TBC1D2: variants seen among roughly 807,000 people sequenced by gnomAD.
TBC1D2 encodes TBC1 domain family member 2A.
TBC1D2 carries 58 observed loss-of-function variants against 91.1 expected under a neutral mutation model. The observed-to-expected ratio is 0.64, with a 90% confidence interval of 0.52 to 0.79. The LOEUF (loss-of-function observed/expected upper bound fraction) is 0.79, where lower values mean the gene tolerates loss of function less well. TBC1D2 is among the 30% of genes least tolerant of loss of function. The pLI, the probability that TBC1D2 is intolerant of heterozygous loss-of-function variation, is 0.00. For missense variants in TBC1D2, 1,080 were observed against 1,208.3 expected, an observed-to-expected ratio of 0.89 and a Z score of 1.57; for synonymous variants, 482 against 511.5, an observed-to-expected ratio of 0.94 and a Z score of 0.78.
chr9:98,225,659 C>T (rs1829215359), intron 5 of TBC1D2, among the ~76,000 whole-genome samples: 1 of 152,216 alleles, frequency 6.6e-6, no homozygotes, highest in Admixed American at 6.5e-5. Context: ...CTCAGTTTCC[C>T]TTTCAGAGTA....
intron 4 of TBC1D2, among the ~76,000 whole-genome samples, chr9:98,230,091 C>T (rs1256782215): frequency 6.6e-6 from 1 of 152,172 alleles, no homozygotes; most frequent in African/African-American, 2.4e-5. Flanking sequence ...TGCCATCAGC[C>T]TGCATCAAGG....
intron 3 of TBC1D2, among the ~76,000 whole-genome samples, chr9:98,238,130 C>A (rs879200724): frequency 7.4e-6 from 1 of 136,022 alleles, no homozygotes; most frequent in Non-Finnish European, 1.5e-5. Context: ...TCTTGAACTC[C>A]TGACCTCAAG....
In TBC1D2 at chr9:98,221,196, C is replaced by T; in HGVS notation, c.1011G>A (p.Glu337=). The part of the protein sequence containing the change: ...ELVKILHKAL[E]AAQQEKRASS... ...ACGCCCGCTTCTCCTGCTGGGCGGC[C>T]TCCAGTGCCTTGTGCAGGATCTTCA... The change falls in exon 6 of 13, where the codon GAG becomes GAA. Residue 337 remains glutamate (E), a synonymous_variant. Coordinates refer to ENST00000465784, the MANE Select transcript of TBC1D2 (RefSeq NM_001267571.2). 6.4e-7 allele frequency: 1 copy of T among 1,553,104 alleles called. No homozygotes were observed. The highest frequency in any genetic ancestry group is 8.7e-7 in the Non-Finnish European group (1 of 1,147,602).
intron 4 of TBC1D2, among the ~76,000 whole-genome samples, chr9:98,230,005 A>G (rs896339178): frequency 1.2e-4 from 19 of 152,214 alleles, no homozygotes; most frequent in Admixed American, 8.5e-4. Context: ...TTTTATTCTT[A>G]AATCAAACCA....
rs1270053926 is a variant in TBC1D2 at position 98,233,436 on chromosome 9, G to A, written c.761C>T (p.Ala254Val). ...GEPQREEQPLASDASTPGREP... is the reference protein window; with the variant it reads ...GEPQREEQPLVSDASTPGREP... ...CTCACCTGGGGTGCTGGCGTCAGAG[G>A]CCAAGGGCTGCTCCTCCCTCTGAGG... Residue 254 changes from alanine to valine, a missense_variant, in exon 4 of 13, where the codon GCC becomes GTC. By Grantham distance (64) the Ala-to-Val change is moderately conservative (BLOSUM62 0). Transcript: ENST00000465784. The A allele has an allele frequency of 6.2e-7, 1 of 1,613,902 alleles. No individual in the cohort carries two copies. Among genetic ancestry groups the A allele is most frequent in the African/African-American group, 1.3e-5 (1 of 74,906 alleles).
chr9:98,240,919 C>A (rs1829622716), intron 3 of TBC1D2, among the ~76,000 whole-genome samples: 1 of 152,144 alleles, frequency 6.6e-6, no homozygotes, highest in Non-Finnish European at 1.5e-5. Context: ...AGGTTTAATT[C>A]CAGGTCTGCA....
intron 4 of TBC1D2, among the ~76,000 whole-genome samples, chr9:98,232,811 T>C (rs1179004252): frequency 1.3e-5 from 2 of 152,150 alleles, no homozygotes; most frequent in African/African-American, 2.4e-5. Flanking sequence ...TTATCACATG[T>C]GTACATTTGT....
chr9:98,203,298 G>A lies in TBC1D2; in HGVS notation c.2261C>T (p.Thr754Met), dbSNP rs774546155. The stretch of plus-strand genomic sequence containing the variant: ...CCTGGCCCCACTTACCTGGGATGCC[G>A]TCAGCGTGTTGCAGTAGTAATCAGC... ...MPADYYCNTLTASQVDQRVLQ... is the reference protein window; with the variant it reads ...MPADYYCNTLMASQVDQRVLQ... Residue 754 changes from threonine (T) to methionine (M), a missense_variant, in exon 10 of 13, where the codon ACG becomes ATG. Thr to Met is a moderately conservative substitution (Grantham distance 81). Transcript: ENST00000465784. 1.7e-5 allele frequency: 28 copies of A among 1,614,098 alleles called. No homozygotes were observed. Among genetic ancestry groups the A allele is most frequent in the Admixed American group, 6.7e-5 (4 of 60,010 alleles).
intron 5 of TBC1D2, among the ~76,000 whole-genome samples, chr9:98,224,735 C>A (rs1225346759): frequency 6.6e-6 from 1 of 152,174 alleles, no homozygotes; most frequent in Non-Finnish European, 1.5e-5. Context: ...TTGCTACTTT[C>A]ATCAGTGGTG....
At chr9:98,220,756 G>C (rs1184052564) in intron 6 of TBC1D2, 77 bp downstream of exon 6, 1 of 1,557,612 alleles carries the variant, frequency 6.4e-7, no homozygotes, top group Non-Finnish European at 8.7e-7. Flanking sequence ...AAACCCTTAG[G>C]GGTGGAGAGC....
intron 3 of TBC1D2, 51 bp downstream of exon 3, chr9:98,243,943 T>C (rs530036554): frequency 1.3e-6 from 2 of 1,571,946 alleles, no homozygotes; most frequent in South Asian, 2.3e-5. Context: ...CAAGCTCCAC[T>C]GAAGGGGCTG....
rs115306873 is a variant in TBC1D2 at position 98,233,717 on chromosome 9, T to C, written c.648-168A>G. Among the ~76,000 whole-genome samples, 953 of 152,274 alleles carry C rather than the reference T, an allele frequency of 6.3e-3. 13 individuals carry two copies. Among genetic ancestry groups the C allele is most frequent in the African/African-American group, 0.021 (889 of 41,558 alleles). Reference sequence around the variant, plus strand: ...CATGATGCCTCCCCATGCATGGCACTCCCAATCTCCTTTACCTATCTCTTT... The same window carrying C: ...CATGATGCCTCCCCATGCATGGCACCCCCAATCTCCTTTACCTATCTCTTT... On this transcript the variant is annotated intron_variant, in intron 3 of 12. Coordinates refer to ENST00000465784, the MANE Select transcript of TBC1D2 (RefSeq NM_001267571.2).
At chr9:98,246,791 C>T (rs1236423198) in intron 2 of TBC1D2, among the ~76,000 whole-genome samples, 2 of 151,934 alleles carry the variant, frequency 1.3e-5, no homozygotes, top group Non-Finnish European at 2.9e-5. Context: ...ATACAGGCAA[C>T]AGTAAGGGGT....
At position 98,221,210 on chromosome 9, in the gene TBC1D2, G is replaced by A; in HGVS notation, c.997C>T (p.His333Tyr). ...KSQKELVKILHKALEAAQQEK... is the reference protein window; with the variant it reads ...KSQKELVKILYKALEAAQQEK... ...TGCTGGGCGGCCTCCAGTGCCTTGTGCAGGATCTTCACTAGCTCCTGGGCA... is the reference window on the plus strand; with the variant it reads ...TGCTGGGCGGCCTCCAGTGCCTTGTACAGGATCTTCACTAGCTCCTGGGCA... Residue 333 changes from histidine to tyrosine, a missense_variant, in exon 6 of 13, where the codon CAC becomes TAC. Physicochemically the swap from His to Tyr is moderately conservative, Grantham distance 83. Coordinates refer to ENST00000465784, the MANE Select transcript of TBC1D2 (RefSeq NM_001267571.2). 1.3e-6 allele frequency: 2 copies of A among 1,548,178 alleles called. No homozygotes were observed. The highest frequency in any genetic ancestry group is 1.7e-6 in the Non-Finnish European group (2 of 1,144,138).
chr9:98,242,327 G>T (rs1260791164), intron 3 of TBC1D2, among the ~76,000 whole-genome samples: 1 of 151,970 alleles, frequency 6.6e-6, no homozygotes, highest in Admixed American at 6.6e-5. Context: ...TGTAATCCTA[G>T]CTGCTATGGA....
At chr9:98,201,753 A>C in intron 10 of TBC1D2, 89 bp from the exon 11 acceptor site, 2 of 1,354,220 alleles carry the variant, frequency 1.5e-6, no homozygotes, top group Non-Finnish European at 2.0e-6. Context: ...GTCAGTCCAC[A>C]CACAATCCTG....
At chr9:98,234,454 G>GTT (rs1223191701) in intron 3 of TBC1D2, among the ~76,000 whole-genome samples, 4 of 152,192 alleles carry the variant, frequency 2.6e-5, no homozygotes, top group Admixed American at 2.6e-4. Flanking sequence ...GATGAAAGGA[G>GTT]TTCACTAGGT....
intron 4 of TBC1D2, among the ~76,000 whole-genome samples, chr9:98,230,368 C>T (rs1319323072): frequency 1.3e-5 from 2 of 152,172 alleles, no homozygotes; most frequent in South Asian, 2.1e-4. Flanking sequence ...TTTGTAGGAT[C>T]GTAAATTGAT....
intron 8 of TBC1D2, among the ~76,000 whole-genome samples, chr9:98,209,596 C>A (rs1369758659): frequency 6.6e-6 from 1 of 152,132 alleles, no homozygotes; most frequent in Non-Finnish European, 1.5e-5. Flanking sequence ...AGCTGGGGAC[C>A]CGTTCCAGAA....
Sources: allele counts gnomAD v4.1 joint callset (sites outside exome capture counted in the v4.1 genomes callset), GRCh38; gene constraint gnomAD v4.1.1; transcripts MANE v1.5; gene names NCBI Gene and HGNC (gene_info 2026-07-23, HGNC 2026-07-21).